The following CSNK1G2 variants were observed in gnomAD, a reference collection of about 807,000 sequenced individuals.
CSNK1G2 encodes the protein casein kinase I isoform gamma-2.
A neutral mutation model predicts 48.0 loss-of-function variants in CSNK1G2; 11 were observed. The observed-to-expected ratio is 0.23, with a 90% CI of 0.14 to 0.38. CSNK1G2 has a LOEUF of 0.38. CSNK1G2 is among the 10% of genes least tolerant of loss of function. The pLI, the probability that CSNK1G2 is intolerant of heterozygous loss-of-function variation, is 1.00. For missense variants in CSNK1G2, 446 were observed against 595.5 expected (o/e 0.75, Z 2.61); for synonymous variants, 337 against 254.1 (o/e 1.33, Z -3.10).
chr19:1,967,997 G>T lies in CSNK1G2; in HGVS notation c.-265-1511G>T, dbSNP rs369154021. On this transcript the variant is annotated intron_variant, in intron 1 of 11. Coordinates refer to ENST00000255641, the MANE Select transcript of CSNK1G2 (RefSeq NM_001319.7). The stretch of plus-strand genomic sequence containing the variant: ...CCTCCCTCCTCCCCAGGCTGCCCCC[G>T]ACCACCCTTCAGTTCTGCAGGTGGG... Among the ~76,000 whole-genome samples, 27 of 21,452 alleles carry T rather than the reference G, an allele frequency of 1.3e-3. 9 individuals are homozygous for T. Among genetic ancestry groups the T allele is most frequent in the African/African-American group, 8.8e-3 (27 of 3,062 alleles). 14.1% of individuals were successfully genotyped at this position (21,452 alleles called of 152,430 possible). A position where few individuals can be genotyped will look rare whatever the true frequency, so the allele number is the denominator to read the frequency against.
chr19:1,973,662 T>C (rs1188524883), intron 2 of CSNK1G2, among the ~76,000 whole-genome samples: 1 of 152,214 alleles, frequency 6.6e-6, no homozygotes, highest in African/African-American at 2.4e-5. Flanking sequence ...AGTTTACTCT[T>C]TTTCTGCAGC....
At chr19:1,953,916 G>T (rs1473782178) in intron 1 of CSNK1G2, 1 of 534,106 alleles carries the variant, frequency 1.9e-6, no homozygotes, top group South Asian at 1.4e-5. Context: ...GTCCTCGTGG[G>T]CGTCTCCGGT....
chr19:1,943,256 TC>T (rs977563103), intron 1 of CSNK1G2, among the ~76,000 whole-genome samples: 3 of 152,274 alleles, frequency 2.0e-5, no homozygotes, highest in East Asian at 1.9e-4. Context: ...CCTTCGGACT[TC>T]CTTGTGTGTC....
rs1568207511 is a variant in CSNK1G2, at chr19:1,979,634, G to A, written c.993G>A (p.Gly331=). Residue 331 remains glycine (G), a synonymous_variant, in exon 9 of 12, where the codon GGG becomes GGA. Coordinates refer to ENST00000255641, the MANE Select transcript of CSNK1G2 (RefSeq NM_001319.7). The stretch of plus-strand genomic sequence containing the variant: ...TCGACTATGAGTACGACTGGGCCGG[G>A]AAGCCCCTGGTAGGTGGGGGGGTGC... The part of the protein sequence containing the change: ...FVFDYEYDWA[G]KPLPTPIGTV... 2 of 1,603,660 alleles carry A rather than the reference G, an allele frequency of 1.2e-6. No individual in the cohort carries two copies. The highest frequency in any genetic ancestry group is 1.6e-4 in the Middle Eastern group (1 of 6,074).
At chr19:1,960,788 C>G (rs1396508673) in intron 1 of CSNK1G2, among the ~76,000 whole-genome samples, 1 of 151,326 alleles carries the variant, frequency 6.6e-6, no homozygotes, top group East Asian at 1.9e-4. Context: ...ACCTGGGAGG[C>G]CGAGGTAGGA....
intron 1 of CSNK1G2, among the ~76,000 whole-genome samples, chr19:1,968,320 G>A (rs1382881200): frequency 1.4e-5 from 2 of 146,978 alleles, no homozygotes; most frequent in Non-Finnish European, 3.0e-5. Flanking sequence ...TCCTCCCCAG[G>A]CTGCCCCTGA....
At chr19:1,945,876 T>A (rs1028719880) in intron 1 of CSNK1G2, among the ~76,000 whole-genome samples, 3 of 150,682 alleles carry the variant, frequency 2.0e-5, no homozygotes, top group Non-Finnish European at 4.4e-5. Context: ...GCTGAACTTC[T>A]GGGGCACGCT....
intron 1 of CSNK1G2, among the ~76,000 whole-genome samples, chr19:1,944,665 G>A (rs1053817419): frequency 3.3e-5 from 5 of 149,296 alleles, no homozygotes; most frequent in Admixed American, 6.8e-5. Flanking sequence ...TGCTGGGTGG[G>A]TCTGTCCGGG....
rs78864193 is a variant in CSNK1G2 at position 1,979,574 on chromosome 19, C to G, written c.933C>G (p.Leu311=). The G allele has an allele frequency of 6.1e-4, 974 of 1,608,636 alleles. 4 individuals carry two copies. The African/African-American group carries it at 0.012, about 20-fold the overall frequency. The change falls in exon 9 of 12, where the codon CTC becomes CTG. Residue 311 remains leucine, a synonymous_variant. Coordinates refer to ENST00000255641, the MANE Select transcript of CSNK1G2 (RefSeq NM_001319.7). ...CCGACTATGACTACCTGCGGAAGCTCTTCACCGACCTCTTCGACCGCAGTG... is the reference window on the plus strand; with the variant it reads ...CCGACTATGACTACCTGCGGAAGCTGTTCACCGACCTCTTCGACCGCAGTG... ...EKPDYDYLRK[L]FTDLFDRSGF... is the part of the protein sequence containing the mutation.
intron 6 of CSNK1G2, 22 bp downstream of exon 6, chr19:1,979,115 G>C (rs763179754): frequency 1.5e-5 from 23 of 1,580,478 alleles, no homozygotes; most frequent in Non-Finnish European, 1.9e-5. Context: ...GCGCGCGGCG[G>C]GGGGCGGGCG....
chr19:1,946,297 A>T (rs1312344367), intron 1 of CSNK1G2, among the ~76,000 whole-genome samples: 2 of 146,608 alleles, frequency 1.4e-5, no homozygotes, highest in African/African-American at 4.9e-5. Flanking sequence ...TTTTTTATTT[A>T]TTTATTTTTT....
rs572166733 is a variant in CSNK1G2 at position 1,977,193 on chromosome 19, A to G, written c.188-1112A>G. Among the ~76,000 whole-genome samples the G allele has an allele frequency of 5.3e-5, 8 of 152,306 alleles. No homozygotes were observed. In the East Asian group the frequency reaches 5.8e-4, roughly 11 times the overall value. ...ACAGGTCGCCCAGCAGATGGTAGCT[A>G]TGGCCCCAGTGCCATCCTGGGCTGG... On this transcript the variant is annotated intron_variant, in intron 2 of 11. Transcript: ENST00000255641.
At chr19:1,948,623 G>A (rs2014656216) in intron 1 of CSNK1G2, among the ~76,000 whole-genome samples, 1 of 151,374 alleles carries the variant, frequency 6.6e-6, no homozygotes, top group Non-Finnish European at 1.5e-5. Flanking sequence ...CTTAGAGCAT[G>A]AGCCACTTTT....
intron 1 of CSNK1G2, chr19:1,952,961 C>T (rs749701489): frequency 4.6e-6 from 2 of 436,738 alleles, no homozygotes; most frequent in African/African-American, 2.2e-5. Context: ...GCGGCTCCCA[C>T]ACGATGAGGG....
At chr19:1,962,142 C>T (rs1191279325) in intron 1 of CSNK1G2, among the ~76,000 whole-genome samples, 2 of 152,000 alleles carry the variant, frequency 1.3e-5, no homozygotes, top group African/African-American at 4.8e-5. Flanking sequence ...CCATCCTGGC[C>T]AAGATGGTGA....
chr19:1,980,031 G>A lies in CSNK1G2; in HGVS notation c.1193+14G>A. The A allele has an allele frequency of 6.3e-7, 1 of 1,582,036 alleles. No homozygotes were observed. Among genetic ancestry groups the A allele is most frequent in the Non-Finnish European group, 8.6e-7 (1 of 1,164,202 alleles). ...CGATGAAACCAAGTAAGGCTCTGGGGCGGTGCCTTCGGGGAGGTGGGGGTG... is the reference window on the plus strand; with the variant it reads ...CGATGAAACCAAGTAAGGCTCTGGGACGGTGCCTTCGGGGAGGTGGGGGTG... On this transcript the variant is annotated intron_variant, in intron 11 of 11. Coordinates refer to ENST00000255641, the MANE Select transcript of CSNK1G2 (RefSeq NM_001319.7).
intron 1 of CSNK1G2, 124 bp downstream of exon 1, chr19:1,941,542 C>G (rs1216650688): frequency 2.8e-5 from 4 of 143,558 alleles, no homozygotes; most frequent in Non-Finnish European, 6.1e-5. Context: ...GCCCTGCCGA[C>G]CCCGTGCTCC....
chr19:1,947,863 G>T (rs569575254), intron 1 of CSNK1G2, among the ~76,000 whole-genome samples: 1 of 152,330 alleles, frequency 6.6e-6, no homozygotes, highest in South Asian at 2.1e-4. Context: ...GACCGTGGCT[G>T]CCCCATGAGT....
In CSNK1G2 at chr19:1,978,517, G is replaced by T. The variant is rs998579549; in HGVS notation, c.298+6G>T. ...CAAGCAGCTCAGCGCCACAGGTACCGGGCGGCCCGCGGGTGGGGCGGGGGC... is the reference window on the plus strand; with the variant it reads ...CAAGCAGCTCAGCGCCACAGGTACCTGGCGGCCCGCGGGTGGGGCGGGGGC... On this transcript the variant is annotated splice_donor_region_variant and intron_variant, in intron 4 of 11. Coordinates refer to ENST00000255641, the MANE Select transcript of CSNK1G2 (RefSeq NM_001319.7). The surrounding 1 kb of genome is among the most constrained non-coding windows in gnomAD (Gnocchi z 7.3). The T allele has an allele frequency of 3.2e-6, 5 of 1,578,092 alleles. No homozygotes were observed. Among genetic ancestry groups the T allele is most frequent in the Non-Finnish European group, 4.3e-6 (5 of 1,163,110 alleles).
Sources: gnomAD v4.1 joint callset for allele counts (sites outside exome capture counted in the v4.1 genomes callset) on GRCh38, gnomAD v4.1.1 for gene constraint, Gnocchi (gnomAD v3.1) non-coding constraint, MANE v1.5 for transcripts, NCBI Gene and HGNC (gene_info 2026-07-23, HGNC 2026-07-21) for gene names.